SGCD: variants seen among roughly 807,000 people sequenced by gnomAD.
The protein encoded by SGCD is sarcoglycan delta, also known as delta-sarcoglycan.
A neutral mutation model predicts 36.6 loss-of-function variants in SGCD; 18 were observed. That is an observed-to-expected ratio of 0.49 (90% CI 0.34 to 0.73). The LOEUF (loss-of-function observed/expected upper bound fraction) is 0.73, where lower values mean the gene tolerates loss of function less well. SGCD is among the 30% of genes least tolerant of loss of function. SGCD has a pLI of 0.01. For synonymous variants in SGCD, 133 were observed against 130.6 expected (o/e 1.02, Z -0.12); for missense variants, 387 against 346.7 (o/e 1.12, Z -0.92).
intron 6 of SGCD, among the ~76,000 whole-genome samples, chr5:156,647,207 C>A (rs572405019): frequency 6.6e-6 from 1 of 152,080 alleles, no homozygotes; most frequent in Non-Finnish European, 1.5e-5. Flanking sequence ...TTTCTGAAGC[C>A]GAGATGGAAT....
chr5:156,732,991 C>CTATGTTATTAA (rs1399920144), intron 7 of SGCD, among the ~76,000 whole-genome samples: 1 of 151,922 alleles, frequency 6.6e-6, no homozygotes, highest in Non-Finnish European at 1.5e-5. Context: ...AGCAGTCTAC[C>CTATGTTATTAA]TATGTTATTA....
chr5:156,225,066 T>C (rs1441245244), intron 3 of SGCD, among the ~76,000 whole-genome samples: 1 of 152,088 alleles, frequency 6.6e-6, no homozygotes, highest in East Asian at 1.9e-4. Context: ...AACGTGAATA[T>C]CTTCATCACC....
At chr5:156,256,662 T>C (rs1435944717) in intron 3 of SGCD, among the ~76,000 whole-genome samples, 1 of 152,190 alleles carries the variant, frequency 6.6e-6, no homozygotes, top group Non-Finnish European at 1.5e-5. Flanking sequence ...TACATTTTAA[T>C]TTATTTGTGT....
intron 4 of SGCD, among the ~76,000 whole-genome samples, chr5:156,540,842 A>G (rs555931118): frequency 3.7e-4 from 57 of 152,284 alleles, no homozygotes; most frequent in South Asian, 8.3e-4. Flanking sequence ...TGTATTGGGC[A>G]TCCCCTGAGT....
At chr5:156,522,581 G>A (rs971268020) in intron 4 of SGCD, among the ~76,000 whole-genome samples, 1 of 152,030 alleles carries the variant, frequency 6.6e-6, no homozygotes, top group African/African-American at 2.4e-5. Context: ...GGGGCCTATT[G>A]ATGGGGAGTC....
chr5:156,711,214 G>A (rs1754977906), intron 7 of SGCD, among the ~76,000 whole-genome samples: 2 of 152,132 alleles, frequency 1.3e-5, no homozygotes, highest in Admixed American at 6.5e-5. Flanking sequence ...GGTCCATTCA[G>A]TTCTTTGGGG....
At chr5:156,031,604 A>G (rs907895071) in intron 1 of SGCD, among the ~76,000 whole-genome samples, 1 of 152,224 alleles carries the variant, frequency 6.6e-6, no homozygotes, top group African/African-American at 2.4e-5. Context: ...TAATGTCCAT[A>G]TTATTTGACA....
At chr5:155,879,297 C>T (rs1755829606) in intron 1 of SGCD, among the ~76,000 whole-genome samples, 1 of 152,126 alleles carries the variant, frequency 6.6e-6, no homozygotes, top group East Asian at 1.9e-4. Context: ...ATTTATAAAA[C>T]TGTAATGCAT....
rs116146281 is a variant in SGCD, at chr5:156,623,042, G to T, written c.503-24422G>T. On this transcript the variant is annotated intron_variant, in intron 6 of 8. Transcript: ENST00000337851. ...GCCACAAATATACATATATATTTTT[G>T]TATTGTATGTTTTATATGTATATAG... 8.8e-3 allele frequency among the ~76,000 whole-genome samples: 1,337 copies of T among 151,846 alleles called. 11 individuals are homozygous for T. The highest frequency in any genetic ancestry group is 0.031 in the African/African-American group (1,268 of 41,378).
chr5:156,430,813 C>T (rs972309953), intron 3 of SGCD, among the ~76,000 whole-genome samples: 14 of 152,102 alleles, frequency 9.2e-5, no homozygotes, highest in African/African-American at 1.9e-4. Flanking sequence ...TGGTTGTAGT[C>T]GTTATGTTCT....
At chr5:155,924,739 A>G (rs1237265994) in intron 1 of SGCD, among the ~76,000 whole-genome samples, 1 of 152,166 alleles carries the variant, frequency 6.6e-6, no homozygotes, top group Admixed American at 6.5e-5. Flanking sequence ...GGGTCTCCAG[A>G]TTTTATTTTA....
intron 1 of SGCD, among the ~76,000 whole-genome samples, chr5:156,047,810 C>A (rs891345921): frequency 6.6e-6 from 1 of 151,800 alleles, no homozygotes; most frequent in Admixed American, 6.6e-5. Context: ...GAATTTCAAG[C>A]CTTATTTCTC....
At chr5:156,206,718 A>G (rs1328307785) in intron 3 of SGCD, among the ~76,000 whole-genome samples, 1 of 152,050 alleles carries the variant, frequency 6.6e-6, no homozygotes, top group African/African-American at 2.4e-5. Context: ...TAAGTTTGGC[A>G]GTGAATAATT....
At chr5:156,009,578 G>T (rs1758818106) in intron 1 of SGCD, among the ~76,000 whole-genome samples, 1 of 152,174 alleles carries the variant, frequency 6.6e-6, no homozygotes, top group African/African-American at 2.4e-5. Context: ...GATTTTGATT[G>T]CTAATACAAC....
chr5:156,358,024 C>T (rs546611596), intron 3 of SGCD, among the ~76,000 whole-genome samples: 4 of 152,162 alleles, frequency 2.6e-5, no homozygotes, highest in African/African-American at 4.8e-5. Flanking sequence ...GCTAATCATC[C>T]AGTTTGGATT....
chr5:156,163,317 G>A (rs1005252632), intron 3 of SGCD, among the ~76,000 whole-genome samples: 2 of 151,586 alleles, frequency 1.3e-5, no homozygotes, highest in African/African-American at 4.9e-5. Flanking sequence ...TGAGAGTCAA[G>A]TTTTGAGGAA....
chr5:156,046,258 A>G (rs141554522), intron 1 of SGCD, among the ~76,000 whole-genome samples: 23 of 152,268 alleles, frequency 1.5e-4, no homozygotes, highest in African/African-American at 4.8e-4. Context: ...TGTGCTTTCA[A>G]TGAATTCCCC....
chr5:156,187,074 A>T (rs1257108738), intron 3 of SGCD, among the ~76,000 whole-genome samples: 1 of 152,200 alleles, frequency 6.6e-6, no homozygotes, highest in Non-Finnish European at 1.5e-5. Context: ...GAAAGGGGCA[A>T]TGGGTAAAAG....
the SGCD span, among the ~76,000 whole-genome samples, chr5:155,788,656 G>A: frequency 1.3e-5 from 2 of 152,078 alleles, no homozygotes; most frequent in African/African-American, 4.8e-5. Context: ...TCATTTAAAT[G>A]TGCAATTAAA....
Sources: gnomAD v4.1 joint callset for allele counts (sites outside exome capture counted in the v4.1 genomes callset) on GRCh38, gnomAD v4.1.1 for gene constraint, MANE v1.5 for transcripts, NCBI Gene and HGNC (gene_info 2026-07-23, HGNC 2026-07-21) for gene names.